Variants in CFAP47 observed in about 807,000 individuals in gnomAD.
The protein encoded by CFAP47 is cilia and flagella associated protein 47.
Under a neutral mutation model 148.1 loss-of-function variants are expected in CFAP47, and 29 were observed. That is an observed-to-expected ratio of 0.20 (90% CI 0.15 to 0.27). The LOEUF is 0.27. Ranked by LOEUF, CFAP47 falls within the 10% of genes least tolerant of loss-of-function variation. CFAP47 has a pLI of 1.00. For missense variants in CFAP47, 1,872 were observed against 1,697.5 expected, an observed-to-expected ratio of 1.10 and a Z score of -1.81; for synonymous variants, 664 against 577.3, an observed-to-expected ratio of 1.15 and a Z score of -2.15.
At chrX:36,167,433 T>G (rs1490790062) in intron 39 of CFAP47, among the ~76,000 whole-genome samples, 3 of 111,220 alleles carry the variant, frequency 2.7e-5, no homozygotes, top group African/African-American at 9.8e-5. Context: ...AGCCTCAGGA[T>G]TTTTTGACTT....
chrX:35,924,278 T>C (rs1569201746), intron 1 of CFAP47, among the ~76,000 whole-genome samples: 2 of 101,484 alleles, frequency 2.0e-5, no homozygotes, highest in Admixed American at 1.0e-4. Context: ...CATGTATGTG[T>C]ATATGTACAT....
At chrX:36,187,161 A>G (rs1939816579) in intron 40 of CFAP47, among the ~76,000 whole-genome samples, 1 of 112,020 alleles carries the variant, frequency 8.9e-6, no homozygotes, top group Non-Finnish European at 1.9e-5. Context: ...TTTTGTAATC[A>G]TGATAACCAT....
intron 32 of CFAP47, among the ~76,000 whole-genome samples, 191 bp from the exon 33 acceptor site, chrX:36,104,308 A>C (rs983061637): frequency 8.0e-5 from 9 of 112,041 alleles, no homozygotes; most frequent in Non-Finnish European, 1.7e-4. Context: ...AGAAGCAAAA[A>C]GTTGTCAATT....
intron 33 of CFAP47, among the ~76,000 whole-genome samples, chrX:36,125,977 C>T (rs1938829519): frequency 9.0e-6 from 1 of 110,727 alleles, no homozygotes; most frequent in Admixed American, 9.7e-5. Flanking sequence ...GTAATGTTAC[C>T]TGGAACTTCC....
chrX:36,154,563 A>G, intron 37 of CFAP47, among the ~76,000 whole-genome samples: 1 of 112,207 alleles, frequency 8.9e-6, no homozygotes, highest in Non-Finnish European at 1.9e-5. Flanking sequence ...CCTTTTAGGT[A>G]ATTTCTGAGA....
chrX:36,026,524 G>T (rs1341619283), intron 22 of CFAP47, among the ~76,000 whole-genome samples: 2 of 111,280 alleles, frequency 1.8e-5, no homozygotes, highest in Non-Finnish European at 3.8e-5. Flanking sequence ...TATTAGATCA[G>T]TTTGAATGAC....
At chrX:35,948,496 A>G (rs371208765) in intron 4 of CFAP47, 44 bp downstream of exon 4, 18 of 1,039,732 alleles carry the variant, frequency 1.7e-5, no homozygotes, top group African/African-American at 7.4e-5. Context: ...ACAGATCTCA[A>G]TGCTTTCCCG....
intron 63 of CFAP47, among the ~76,000 whole-genome samples, chrX:36,380,689 C>T (rs1424685279): frequency 5.3e-5 from 6 of 112,196 alleles, no homozygotes; most frequent in East Asian, 2.8e-4. Flanking sequence ...ATGATCCACC[C>T]GCCTCGGCCT....
At chrX:36,330,666 C>CT (rs1941557071) in intron 57 of CFAP47, among the ~76,000 whole-genome samples, 1 of 111,996 alleles carries the variant, frequency 8.9e-6, no homozygotes, top group Non-Finnish European at 1.9e-5. Context: ...GTAACCCAGT[C>CT]TACTACATAA....
At chrX:36,088,177 T>C (rs1308098310) in intron 30 of CFAP47, among the ~76,000 whole-genome samples, 1 of 111,841 alleles carries the variant, frequency 8.9e-6, no homozygotes, top group African/African-American at 3.3e-5. Flanking sequence ...AAATTTATGG[T>C]TTCAACATAT....
In CFAP47 at chrX:36,038,981, T is replaced by G. The variant is rs1325372545; in HGVS notation, c.3812-3T>G. 10 of 989,908 alleles carry G rather than the reference T, an allele frequency of 1.0e-5. No homozygotes were observed. Among genetic ancestry groups the G allele is most frequent in the African/African-American group, 2.0e-5 (1 of 49,906 alleles). The allele number at this position is 989,908 out of a possible 1,213,427, so 81.6% of individuals were successfully genotyped here. On this transcript the variant is annotated splice_polypyrimidine_tract_variant and splice_region_variant and intron_variant, in intron 24 of 63. Coordinates refer to ENST00000378653, the MANE Select transcript of CFAP47 (RefSeq NM_001304548.2). ...AATACCCTTAAAATTTGTTTTTCAT[T>G]AGATCGTCCTGGGACATACACAGCA... is the stretch of plus-strand genomic sequence containing the variant.
rs760646987 is a variant in CFAP47, at chrX:36,173,549, T to C, written c.6027-5796T>C. Among the ~76,000 whole-genome samples, 145 of 111,434 alleles carry C rather than the reference T, an allele frequency of 1.3e-3. 2 individuals carry two copies. The highest frequency in any genetic ancestry group is 4.7e-3 in the African/African-American group (141 of 30,296). ...AACATCTTTATTTCTGCCTTCATTT[T>C]GTTATGTACTCAGTAGTCATTCAGG... On this transcript the variant is annotated intron_variant, in intron 39 of 63. Coordinates refer to ENST00000378653, the MANE Select transcript of CFAP47 (RefSeq NM_001304548.2).
chrX:36,361,636 A>G (rs6527560), intron 61 of CFAP47, 135 bp downstream of exon 61: 67,385 of 301,399 alleles, frequency 0.22, 9,830 homozygotes, highest in African/African-American at 0.73. Context: ...ATTTTGGGCT[A>G]GATTACATCT....
chrX:36,052,803 A>G (rs190082365), intron 26 of CFAP47, among the ~76,000 whole-genome samples: 28 of 112,693 alleles, frequency 2.5e-4, no homozygotes, highest in African/African-American at 7.4e-4. Context: ...GGAATAATGA[A>G]GGTAATTCTA....
rs184855444 is a variant in CFAP47, at chrX:36,347,977, C to T, written c.8444-152C>T. 1.4e-3 allele frequency among the ~76,000 whole-genome samples: 154 copies of T among 111,496 alleles called. 2 individuals carry two copies. Among genetic ancestry groups the T allele is most frequent in the Non-Finnish European group, 1.1e-3 (60 of 53,099 alleles). On this transcript the variant is annotated intron_variant, in intron 57 of 63. Coordinates refer to ENST00000378653, the MANE Select transcript of CFAP47 (RefSeq NM_001304548.2). ...TGGCATCTAAGGTAAAATAGTGAAG[C>T]GAACTTATAATTTTGCATAATGCGT...
intron 46 of CFAP47, among the ~76,000 whole-genome samples, chrX:36,230,200 T>G (rs868951500): frequency 0.012 from 1,137 of 98,600 alleles, 8 homozygotes; most frequent in Middle Eastern, 0.026. Context: ...ACTTCCACAA[T>G]GGTTGAACTA....
At chrX:36,285,214 C>G (rs1228191185) in intron 50 of CFAP47, among the ~76,000 whole-genome samples, 1 of 110,895 alleles carries the variant, frequency 9.0e-6, no homozygotes, top group African/African-American at 3.3e-5. Flanking sequence ...TTCTTATGGT[C>G]CTGGAAATGT....
chrX:35,944,174 G>C (rs1305318467), intron 3 of CFAP47, among the ~76,000 whole-genome samples: 1 of 111,096 alleles, frequency 9.0e-6, no homozygotes, highest in African/African-American at 3.3e-5. Context: ...CTGTAAACCA[G>C]GAAATTTGTC....
At chrX:35,960,366 G>A (rs182562519) in intron 8 of CFAP47, among the ~76,000 whole-genome samples, 1 of 63,299 alleles carries the variant, frequency 1.6e-5, no homozygotes, top group African/African-American at 8.0e-5. Context: ...TTTAACATTA[G>A]CTTGCTAATT....
Sources: allele counts gnomAD v4.1 joint callset (sites outside exome capture counted in the v4.1 genomes callset), GRCh38; gene constraint gnomAD v4.1.1; transcripts MANE v1.5; gene names NCBI Gene and HGNC (gene_info 2026-07-23, HGNC 2026-07-21).